The following C4orf50 variants were observed in gnomAD, a reference collection of about 807,000 sequenced individuals.
The protein encoded by C4orf50 is chromosome 4 open reading frame 50.
Under a neutral mutation model 77.2 loss-of-function variants are expected in C4orf50, and 80 were observed. The observed-to-expected ratio is 1.04, with a 90% CI of 0.87 to 1.25. The LOEUF is 1.25. Among genes scored for constraint, C4orf50 ranks in the 50% most tolerant of loss-of-function variants. The pLI, the probability that C4orf50 is intolerant of heterozygous loss-of-function variation, is 0.00. For synonymous variants in C4orf50, 532 were observed against 465.3 expected, an observed-to-expected ratio of 1.14 and a Z score of -1.84; for missense variants, 1,257 against 1,152.9, an observed-to-expected ratio of 1.09 and a Z score of -1.31.
At chr4:5,975,620 T>TC (rs1477517931) in intron 30 of C4orf50, among the ~76,000 whole-genome samples, 1 of 151,862 alleles carries the variant, frequency 6.6e-6, no homozygotes, top group Non-Finnish European at 1.5e-5. Flanking sequence ...CAAGCAATCT[T>TC]CCCCCCTCAG....
At position 6,017,111 on chromosome 4, in the gene C4orf50, G is replaced by A. The variant is rs971502336; in HGVS notation, c.287+1034C>T. On this transcript the variant is annotated intron_variant, in intron 23 of 33. Coordinates refer to ENST00000531445, the Ensembl canonical transcript of C4orf50. The surrounding 1 kb of genome is among the most constrained non-coding windows in gnomAD (Gnocchi z 4.7). The stretch of plus-strand genomic sequence containing the variant: ...TTCAAACGCCCCACCTTGAGGCCAG[G>A]TCAGCTCCATCAGGCAAACAGTGCC... Among the ~76,000 whole-genome samples the A allele has an allele frequency of 2.0e-5, 3 of 152,370 alleles. No homozygotes were observed. Among genetic ancestry groups the A allele is most frequent in the South Asian group, 2.1e-4 (1 of 4,832 alleles).
intron 7 of C4orf50, among the ~76,000 whole-genome samples, chr4:5,947,092 T>G (rs1019919834): frequency 6.6e-6 from 1 of 152,288 alleles, no homozygotes; most frequent in African/African-American, 2.4e-5. Context: ...CTATTTAAGA[T>G]GAAAGGTGGA....
At chr4:5,976,227 C>T (rs1185412442) in intron 29 of C4orf50, among the ~76,000 whole-genome samples, 4 of 151,554 alleles carry the variant, frequency 2.6e-5, no homozygotes, top group African/African-American at 4.9e-5. Flanking sequence ...GGGCGGATCA[C>T]GAGGTCAGGA....
rs773937539 is a variant in C4orf50 at position 5,988,688 on chromosome 4, G to T, written c.3358C>A (p.His1120Asn). The T allele has an allele frequency of 7.2e-6, 11 of 1,536,084 alleles. No homozygotes were observed. The East Asian group carries it at 2.4e-4, about 34-fold the overall frequency. Residue 1120 changes from histidine (H) to asparagine (N), a missense_variant, in exon 28 of 34, where the codon CAC becomes AAC. By Grantham distance (68) the His-to-Asn change is moderately conservative. Transcript: ENST00000531445. ...TGCATCTTGGCTTTTCCCTGGAGGT[G>T]CTCCCTTCCCCTCACCAAACGCCCC... is the stretch of plus-strand genomic sequence containing the variant.
chr4:5,981,402 CTTTTTT>C (rs35263863), intron 28 of C4orf50, among the ~76,000 whole-genome samples: 1 of 124,078 alleles, frequency 8.1e-6, no homozygotes, highest in East Asian at 2.4e-4. Flanking sequence ...AAGTGAGTAT[CTTTTTT>C]TTTTTTTTTT....
At chr4:6,003,655 G>C (rs1721951491) in intron 25 of C4orf50, among the ~76,000 whole-genome samples, 1 of 128,292 alleles carries the variant, frequency 7.8e-6, no homozygotes, top group Admixed American at 8.7e-5. Context: ...TAGTGATGAT[G>C]GTGATGATGG....
At chr4:5,994,752 G>T (rs1721486711) in intron 25 of C4orf50, among the ~76,000 whole-genome samples, 1 of 152,202 alleles carries the variant, frequency 6.6e-6, no homozygotes, top group Admixed American at 6.5e-5. Flanking sequence ...TGTCTGTCCA[G>T]CCAAGAAGCA....
intron 7 of C4orf50, among the ~76,000 whole-genome samples, chr4:5,945,909 T>C (rs1321203895): frequency 6.6e-6 from 1 of 152,120 alleles, no homozygotes; most frequent in Non-Finnish European, 1.5e-5. Context: ...ACCCCAAGGA[T>C]GACGTCCCTG....
At chr4:5,953,651 C>T (rs1718823001), downstream of C4orf50, among the ~76,000 whole-genome samples, 1 of 152,176 alleles carries the variant, frequency 6.6e-6, no homozygotes, top group Admixed American at 6.5e-5. Flanking sequence ...CTGAGTCTGG[C>T]AGGAGGGCGC....
intron 26 of C4orf50, among the ~76,000 whole-genome samples, chr4:5,993,321 TC>T (rs1721399231): frequency 6.6e-6 from 1 of 152,016 alleles, no homozygotes; most frequent in South Asian, 2.1e-4. Flanking sequence ...GCAGCTCTGC[TC>T]CCCAGAAATG....
chr4:5,920,475 C>CT (rs527939516), intron 7 of C4orf50, among the ~76,000 whole-genome samples: 3,133 of 128,912 alleles, frequency 0.024, 82 homozygotes, highest in African/African-American at 0.044. Flanking sequence ...ATAAACATTG[C>CT]TTTTTTTTTT....
intron 25 of C4orf50, among the ~76,000 whole-genome samples, 163 bp from the exon 4 acceptor site, chr4:5,994,639 C>T (rs1263948875): frequency 1.3e-5 from 2 of 152,222 alleles, no homozygotes; most frequent in African/African-American, 4.8e-5. Flanking sequence ...GGCAGCCCAG[C>T]CCCGGCCTTG....
At chr4:5,950,856 G>A (rs1009447555) in intron 7 of C4orf50, among the ~76,000 whole-genome samples, 1 of 152,212 alleles carries the variant, frequency 6.6e-6, no homozygotes, top group Non-Finnish European at 1.5e-5. Context: ...CGATCAGTAA[G>A]CATTGATCAT....
At chr4:5,982,412 C>T (rs968654974) in intron 28 of C4orf50, among the ~76,000 whole-genome samples, 2 of 152,152 alleles carry the variant, frequency 1.3e-5, no homozygotes, top group Non-Finnish European at 2.9e-5. Flanking sequence ...GCAGGGTGTA[C>T]GCTGGCCTGA....
chr4:5,920,373 G>A (rs897135631), intron 7 of C4orf50, among the ~76,000 whole-genome samples: 11 of 152,198 alleles, frequency 7.2e-5, no homozygotes, highest in South Asian at 2.1e-4. Context: ...TGAGGTGTGC[G>A]CCTGGTGCCT....
chr4:5,990,370 G>A (rs1721196804), exon 28 of C4orf50: 2 of 473,996 alleles, frequency 4.2e-6, no homozygotes, highest in Non-Finnish European at 6.8e-6. Context: ...CCCCTCTTCA[G>A]TTCTCCCCGC....
At chr4:5,981,402 C>CTTTT (rs35263863) in intron 28 of C4orf50, among the ~76,000 whole-genome samples, 1 of 124,074 alleles carries the variant, frequency 8.1e-6, no homozygotes, top group Non-Finnish European at 1.7e-5. Flanking sequence ...AAGTGAGTAT[C>CTTTT]TTTTTTTTTT....
chr4:6,006,994 C>A (rs1204997308), intron 25 of C4orf50, among the ~76,000 whole-genome samples: 1 of 152,138 alleles, frequency 6.6e-6, no homozygotes, highest in East Asian at 1.9e-4. Context: ...ACTTCACAAG[C>A]ACATATGAGT....
exon 28 of C4orf50, chr4:5,990,543 C>G (rs1018187767): frequency 5.0e-6 from 2 of 398,974 alleles, no homozygotes; most frequent in Non-Finnish European, 8.8e-6. Flanking sequence ...TGGGAGGAGG[C>G]GGGGACCTGG....
Sources: gnomAD v4.1 joint callset for allele counts (sites outside exome capture counted in the v4.1 genomes callset) on GRCh38, gnomAD v4.1.1 for gene constraint, Gnocchi (gnomAD v3.1) non-coding constraint, MANE v1.5 for transcripts, NCBI Gene and HGNC (gene_info 2026-07-23, HGNC 2026-07-21) for gene names.